The following IST1 variants were observed in gnomAD, a reference collection of about 807,000 sequenced individuals.
IST1 encodes the protein IST1 factor associated with ESCRT-III.
IST1 carries 23 observed loss-of-function variants against 37.0 expected under a neutral mutation model. The observed-to-expected ratio is 0.62, with a 90% confidence interval of 0.45 to 0.88. The LOEUF (loss-of-function observed/expected upper bound fraction) is 0.88. IST1 is among the 40% of genes least tolerant of loss of function. The probability of loss-of-function intolerance (pLI) is 0.00; values close to 1 mark genes in which losing one functional copy is unlikely to be tolerated. For missense variants in IST1, 488 were observed against 445.4 expected (o/e 1.10, Z -0.86); for synonymous variants, 180 against 161.7 (o/e 1.11, Z -0.86).
chr16:71,928,032 C>T lies in IST1; in HGVS notation c.*219C>T, dbSNP rs1166059453. On this transcript the variant is annotated 3_prime_UTR_variant, in exon 10 of 10. Coordinates refer to ENST00000378799, the MANE Select transcript of IST1 (RefSeq NM_001270975.2). The stretch of plus-strand genomic sequence containing the variant: ...GAGACTGAGGCCAGAGCAACTGGCT[C>T]CTGGCAGCTGTGCTTGTCCGTTTCC... 11 of 523,536 alleles carry T rather than the reference C, an allele frequency of 2.1e-5. No individual in the cohort carries two copies. Among genetic ancestry groups the T allele is most frequent in the African/African-American group, 1.5e-4 (8 of 51,984 alleles). 32.4% of individuals were successfully genotyped at this position (523,536 alleles called of 1,614,324 possible).
At chr16:71,896,088 G>T (rs2036963109) in intron 1 of IST1, among the ~76,000 whole-genome samples, 2 of 152,252 alleles carry the variant, frequency 1.3e-5, no homozygotes, top group African/African-American at 4.8e-5. Flanking sequence ...TTGGGGGAAC[G>T]GACTTGGGTC....
intron 1 of IST1, among the ~76,000 whole-genome samples, chr16:71,900,732 T>C (rs1287902254): frequency 1.3e-5 from 2 of 152,186 alleles, no homozygotes; most frequent in Non-Finnish European, 2.9e-5. Flanking sequence ...ATAACCATTT[T>C]TTAGAGTTTA....
At chr16:71,907,562 C>T (rs1236913911) in intron 1 of IST1, among the ~76,000 whole-genome samples, 1 of 152,168 alleles carries the variant, frequency 6.6e-6, no homozygotes, top group East Asian at 1.9e-4. Flanking sequence ...CAGGCGTGAG[C>T]CACTGCGCCT....
intron 8 of IST1, chr16:71,923,643 C>T: frequency 3.0e-6 from 1 of 331,296 alleles, no homozygotes; most frequent in South Asian, 3.5e-5. Context: ...AGTTGTAGTG[C>T]TCTATGAGGG....
At position 71,924,587 on chromosome 16, in the gene IST1, C is replaced by CA. The variant is rs2037692170; in HGVS notation, c.853-178dup. The CA allele has an allele frequency of 2.0e-5, 12 of 609,520 alleles. No individual in the cohort carries two copies. In the East Asian group the frequency reaches 2.7e-4, roughly 14 times the overall value. 37.8% of individuals were successfully genotyped at this position (609,520 alleles called of 1,614,324 possible). A position where few individuals can be genotyped will look rare whatever the true frequency, so the allele number is the denominator to read the frequency against. On this transcript the variant is annotated intron_variant, in intron 8 of 9. Transcript: ENST00000378799. ...GCCTGGGTGACAGGAGACCCTGTCT[C>CA]AAAATCAAAGGAGTTCAACATAGTA...
intron 5 of IST1, 45 bp from the exon 6 acceptor site, chr16:71,921,298 T>G: frequency 1.8e-6 from 2 of 1,130,314 alleles, no homozygotes; most frequent in Non-Finnish European, 2.7e-6. Context: ...AGGATTAGGC[T>G]GGTTGGTATA....
At position 71,931,194 on chromosome 16, in the gene IST1, C is replaced by T. The variant is rs1228897110; in HGVS notation, c.*3381C>T. 6.6e-6 allele frequency: 1 copy of T among 152,038 alleles called. No individual in the cohort carries two copies. Among genetic ancestry groups the T allele is most frequent in the Non-Finnish European group, 1.5e-5 (1 of 68,024 alleles). The allele number at this position is 152,038 out of a possible 1,614,324, so 9.4% of individuals were successfully genotyped here. A position where few individuals can be genotyped will look rare whatever the true frequency, so the allele number is the denominator to read the frequency against. On this transcript the variant is annotated 3_prime_UTR_variant, in exon 10 of 10. Transcript: ENST00000378799. Reference sequence around the variant, plus strand: ...TTTTATCCCCAAAAGGAGGTGTCAGCAAAAATTTGTTACTCTGATTACTTC... The same window carrying T: ...TTTTATCCCCAAAAGGAGGTGTCAGTAAAAATTTGTTACTCTGATTACTTC...
intron 1 of IST1, among the ~76,000 whole-genome samples, chr16:71,900,694 C>T (rs1300102986): frequency 2.6e-5 from 4 of 151,884 alleles, no homozygotes; most frequent in Admixed American, 6.6e-5. Context: ...AACAGAATAC[C>T]GAGAACTAGG....
Position 71,915,649 on chromosome 16 carries a change from C to T in IST1, c.9C>T (p.Gly3=), listed in dbSNP as rs1453871227. ...AGGAGGAACAGCACAGCATGCTGGGCTCTGGATTTAAAGCTGAGCGCTTAA... is the reference window on the plus strand; with the variant it reads ...AGGAGGAACAGCACAGCATGCTGGGTTCTGGATTTAAAGCTGAGCGCTTAA... ML[G]SGFKAERLRV... is the part of the protein sequence containing the mutation. The change falls in exon 2 of 10, where the codon GGC becomes GGT. Residue 3 remains glycine, a synonymous_variant. Transcript: ENST00000378799. 2.5e-6 allele frequency: 4 copies of T among 1,611,880 alleles called. No individual in the cohort carries two copies. The highest frequency in any genetic ancestry group is 3.4e-6 in the Non-Finnish European group (4 of 1,179,434).
rs867215264 is a variant in IST1, at chr16:71,898,674, A to C, written c.-16+3085A>C. On this transcript the variant is annotated intron_variant, in intron 1 of 9. Transcript: ENST00000378799. ...TGAGACTCTGTCTTAAAAAAAAAAA[A>C]AAAACAAAAAAGGAAACACTGAGGC... Among the ~76,000 whole-genome samples the C allele has an allele frequency of 7.4e-4, 111 of 150,996 alleles. 1 individual carries two copies. Among genetic ancestry groups the C allele is most frequent in the African/African-American group, 2.5e-3 (101 of 41,160 alleles).
Position 71,931,142 on chromosome 16 carries a change from A to T in IST1, c.*3329A>T, listed in dbSNP as rs1054968746. On this transcript the variant is annotated 3_prime_UTR_variant, in exon 10 of 10. Coordinates refer to ENST00000378799, the MANE Select transcript of IST1 (RefSeq NM_001270975.2). The stretch of plus-strand genomic sequence containing the variant: ...TATGTTTACTGTATTTTTATGTACA[A>T]TTACATCCAAAGCAGAAAAGTTCCT... 2.0e-5 allele frequency: 3 copies of T among 152,106 alleles called. No individual in the cohort carries two copies. The highest frequency in any genetic ancestry group is 2.9e-5 in the Non-Finnish European group (2 of 68,022). The allele number at this position is 152,106 out of a possible 1,614,324, so 9.4% of individuals were successfully genotyped here.
chr16:71,920,948 G>C (rs760082773), intron 5 of IST1, 126 bp downstream of exon 5: 5 of 753,536 alleles, frequency 6.6e-6, no homozygotes, highest in African/African-American at 5.2e-5. Flanking sequence ...AGTGGGGTGA[G>C]GAGGACAGCT....
At chr16:71,927,361 C>T (rs775560833) in intron 9 of IST1, among the ~76,000 whole-genome samples, 8 of 151,830 alleles carry the variant, frequency 5.3e-5, no homozygotes, top group African/African-American at 9.7e-5. Flanking sequence ...TGGTGGCATG[C>T]GCCTGTAATC....
In IST1 at chr16:71,921,379, A is replaced by G; in HGVS notation, c.478A>G (p.Ile160Val). The G allele has an allele frequency of 6.2e-7, 1 of 1,613,498 alleles. No individual in the cohort carries two copies. The highest frequency in any genetic ancestry group is 1.1e-5 in the South Asian group (1 of 91,062). Residue 160 changes from isoleucine (I) to valine (V), a missense_variant, in exon 6 of 10, where the codon ATC becomes GTC. By Grantham distance (29) the Ile-to-Val change is conservative. Coordinates refer to ENST00000378799, the MANE Select transcript of IST1 (RefSeq NM_001270975.2). The stretch of plus-strand genomic sequence containing the variant: ...GCTGAGTGTGGAAGCCCCACCCAAA[A>G]TCCTGGTGGAGAGATACCTGATTGA... Reference protein sequence around the residue: ...HKLSVEAPPKILVERYLIEIA... With the variant: ...HKLSVEAPPKVLVERYLIEIA...
intron 7 of IST1, chr16:71,922,989 A>T: frequency 2.1e-6 from 1 of 486,044 alleles, no homozygotes; most frequent in Non-Finnish European, 3.6e-6. Flanking sequence ...ACCAATTATT[A>T]CCAGGCAGAA....
chr16:71,913,298 C>A (rs189269534), intron 1 of IST1, among the ~76,000 whole-genome samples: 1 of 151,730 alleles, frequency 6.6e-6, no homozygotes, highest in Non-Finnish European at 1.5e-5. Context: ...TTGATAGTAG[C>A]CATCCTAATG....
rs773084723 is a variant in IST1, at chr16:71,922,530, T to C, written c.609T>C (p.Asp203=). 2.0e-5 allele frequency: 33 copies of C among 1,614,186 alleles called. No individual in the cohort carries two copies. Among genetic ancestry groups the C allele is most frequent in the Middle Eastern group, 3.3e-4 (2 of 6,062 alleles). ...TDLIDVGFTD[D]VKKGGPGRGG... ...TTATTGATGTTGGATTCACAGATGA[T>C]GTGAAGAAAGGAGGCCCTGGAAGAG... The change falls in exon 7 of 10, where the codon GAT becomes GAC. Residue 203 remains aspartate, a synonymous_variant. Coordinates refer to ENST00000378799, the MANE Select transcript of IST1 (RefSeq NM_001270975.2).
chr16:71,923,137 G>T, intron 7 of IST1, 151 bp from the exon 8 acceptor site: 1 of 493,316 alleles, frequency 2.0e-6, no homozygotes, highest in Non-Finnish European at 3.6e-6. Flanking sequence ...CTGACCACAT[G>T]TGGTCCTTTT....
At chr16:71,913,643 G>A (rs1163025670) in intron 1 of IST1, among the ~76,000 whole-genome samples, 1 of 152,112 alleles carries the variant, frequency 6.6e-6, no homozygotes, top group Non-Finnish European at 1.5e-5. Flanking sequence ...TGGGACCACA[G>A]GTGCATGCCA....
Sources: gnomAD v4.1 joint callset for allele counts (sites outside exome capture counted in the v4.1 genomes callset) on GRCh38, gnomAD v4.1.1 for gene constraint, MANE v1.5 for transcripts, NCBI Gene and HGNC (gene_info 2026-07-23, HGNC 2026-07-21) for gene names.